Variants in SOX5 observed in about 807,000 individuals in gnomAD.
The protein encoded by SOX5 is transcription factor SOX-5.
SOX5 carries 9 observed loss-of-function variants against 92.0 expected under a neutral mutation model. The ratio of observed to expected loss-of-function variants is 0.10; its 90% confidence interval spans 0.06 to 0.17. SOX5 has a LOEUF of 0.17. SOX5 is among the 10% of genes least tolerant of loss of function. SOX5 has a pLI of 1.00. For missense variants in SOX5, 642 were observed against 944.5 expected, an observed-to-expected ratio of 0.68 and a Z score of 4.20; for synonymous variants, 344 against 336.3, an observed-to-expected ratio of 1.02 and a Z score of -0.25.
At chr12:24,443,657 A>G (rs1467132235) in intron 1 of SOX5, among the ~76,000 whole-genome samples, 1 of 152,242 alleles carries the variant, frequency 6.6e-6, no homozygotes, top group Non-Finnish European at 1.5e-5. Flanking sequence ...ATAAAGAATC[A>G]CTGAGACTGG....
At chr12:24,180,331 G>C (rs1955344900) in intron 4 of SOX5, among the ~76,000 whole-genome samples, 1 of 152,120 alleles carries the variant, frequency 6.6e-6, no homozygotes, top group Admixed American at 6.5e-5. Flanking sequence ...AGCCCAAGGA[G>C]ACCTTCCTAC....
intron 3 of SOX5, among the ~76,000 whole-genome samples, chr12:23,829,948 T>C (rs1388488435): frequency 1.3e-5 from 2 of 152,144 alleles, no homozygotes; most frequent in Non-Finnish European, 2.9e-5. Flanking sequence ...ACACTGGTAC[T>C]CAGCTCCAGG....
rs535944000 is a variant in SOX5, at chr12:24,275,043, T to TG, written c.-77+2172dup. Among the ~76,000 whole-genome samples the TG allele has an allele frequency of 3.8e-4, 22 of 58,014 alleles. 1 individual carries two copies. The South Asian group carries it at 0.016, about 42-fold the overall frequency. The allele number at this position is 58,014 out of a possible 152,430, so 38.1% of individuals were successfully genotyped here. ...AGGAATCCTCATTTCAACCCGACTTTGGGAAAAAGTAACCAAAAGGATGGG... is the reference window on the plus strand; with the variant it reads ...AGGAATCCTCATTTCAACCCGACTTTGGGGAAAAAGTAACCAAAAGGATGGG... On this transcript the variant is annotated intron_variant, in intron 3 of 4. Coordinates refer to the SOX5 transcript ENST00000446891.
chr12:23,550,637 C>T (rs1268401069), intron 11 of SOX5, among the ~76,000 whole-genome samples: 1 of 151,704 alleles, frequency 6.6e-6, no homozygotes, highest in South Asian at 2.1e-4. Context: ...AGAAATTTCC[C>T]CTCTTTGTCT....
chr12:24,118,193 A>T (rs1300085773), intron 4 of SOX5, among the ~76,000 whole-genome samples: 1 of 152,150 alleles, frequency 6.6e-6, no homozygotes, highest in Non-Finnish European at 1.5e-5. Flanking sequence ...TTTGCACTGC[A>T]TGGTGACCAG....
At chr12:24,507,018 C>T (rs2138239723) in intron 1 of SOX5, among the ~76,000 whole-genome samples, 1 of 151,876 alleles carries the variant, frequency 6.6e-6, no homozygotes, top group African/African-American at 2.4e-5. Flanking sequence ...TCTCGATTTC[C>T]TGACCTCGTG....
chr12:23,796,861 A>G (rs1314303707), intron 3 of SOX5, among the ~76,000 whole-genome samples: 2 of 144,510 alleles, frequency 1.4e-5, no homozygotes, highest in Admixed American at 7.0e-5. Flanking sequence ...GACAAAATAT[A>G]TTTATAAATT....
chr12:24,551,349 C>CAAAT (rs1166580258), intron 1 of SOX5, among the ~76,000 whole-genome samples: 1 of 151,864 alleles, frequency 6.6e-6, no homozygotes, highest in African/African-American at 2.4e-5. Flanking sequence ...TGGTGACAGA[C>CAAAT]AATCAGATGT....
At chr12:24,280,517 T>C (rs1366241466) in intron 2 of SOX5, among the ~76,000 whole-genome samples, 1 of 152,164 alleles carries the variant, frequency 6.6e-6, no homozygotes, top group African/African-American at 2.4e-5. Context: ...AATTCTATCA[T>C]GATTGAAAAA....
chr12:24,385,449 A>C (rs749566524), intron 1 of SOX5, among the ~76,000 whole-genome samples: 7 of 152,184 alleles, frequency 4.6e-5, no homozygotes, highest in Non-Finnish European at 8.8e-5. Context: ...TTCAATTTAC[A>C]ATGGGTTTAT....
chr12:24,189,016 A>G (rs1455562897), intron 4 of SOX5, among the ~76,000 whole-genome samples: 1 of 152,196 alleles, frequency 6.6e-6, no homozygotes, highest in Admixed American at 6.5e-5. Flanking sequence ...CACTACCTAC[A>G]AGGACTGAAA....
intron 3 of SOX5, among the ~76,000 whole-genome samples, chr12:23,816,255 GC>G (rs1423387280): frequency 1.3e-5 from 2 of 150,012 alleles, no homozygotes; most frequent in Non-Finnish European, 3.0e-5. Context: ...TGTCGCCCAG[GC>G]TGGAGTGCAG....
At chr12:24,248,911 G>A (rs1294341705) in intron 3 of SOX5, among the ~76,000 whole-genome samples, 1 of 152,152 alleles carries the variant, frequency 6.6e-6, no homozygotes, top group African/African-American at 2.4e-5. Flanking sequence ...CCGTTCAATT[G>A]ACTGAAAGAA....
intron 1 of SOX5, among the ~76,000 whole-genome samples, chr12:24,420,428 C>G (rs763488679): frequency 6.6e-6 from 1 of 152,090 alleles, no homozygotes; most frequent in South Asian, 2.1e-4. Context: ...AAAGATGAGA[C>G]CATTTGAGCC....
chr12:23,651,217 CACATATAT>C (rs758883853), intron 7 of SOX5, among the ~76,000 whole-genome samples: 5 of 151,994 alleles, frequency 3.3e-5, no homozygotes, highest in South Asian at 4.1e-4. Context: ...TATACATATA[CACATATAT>C]ACATATATAC....
intron 5 of SOX5, among the ~76,000 whole-genome samples, chr12:23,737,964 T>C (rs772030565): frequency 4.6e-5 from 7 of 152,208 alleles, no homozygotes; most frequent in African/African-American, 1.2e-4. Flanking sequence ...GCATAAGTTT[T>C]CAACATAATA....
intron 2 of SOX5, among the ~76,000 whole-genome samples, chr12:24,337,340 C>CTT (rs201383125): frequency 0.15 from 20,801 of 143,152 alleles, 2,035 homozygotes; most frequent in South Asian, 0.4. Flanking sequence ...TCTGATTTTT[C>CTT]TTTTTTTTTT....
intron 3 of SOX5, among the ~76,000 whole-genome samples, chr12:23,805,492 G>T (rs1203494744): frequency 6.6e-6 from 1 of 151,814 alleles, no homozygotes; most frequent in African/African-American, 2.4e-5. Context: ...GCATCACTAA[G>T]GTTAGTACAA....
chr12:23,844,314 C>A (rs2096551585), intron 3 of SOX5, among the ~76,000 whole-genome samples: 1 of 152,106 alleles, frequency 6.6e-6, no homozygotes, highest in Non-Finnish European at 1.5e-5. Context: ...GCTTTTGTAC[C>A]ATCTTAAAGT....
Sources: gnomAD v4.1 joint callset for allele counts (sites outside exome capture counted in the v4.1 genomes callset) on GRCh38, gnomAD v4.1.1 for gene constraint, MANE v1.5 for transcripts, NCBI Gene and HGNC (gene_info 2026-07-23, HGNC 2026-07-21) for gene names.